Variants in SDHAF3 observed in about 807,000 individuals in gnomAD.
SDHAF3 encodes the protein succinate dehydrogenase assembly factor 3, mitochondrial.
A neutral mutation model predicts 11.5 loss-of-function variants in SDHAF3; 18 were observed. That is an observed-to-expected ratio of 1.56 (90% CI 1.08 to 2.32). The LOEUF is 2.32. SDHAF3 is among the 30% of genes most tolerant of loss of function. The pLI is 0.00. For synonymous variants in SDHAF3, 72 were observed against 59.3 expected (o/e 1.21, Z -0.99); for missense variants, 200 against 154.4 (o/e 1.30, Z -1.57).
intron 1 of SDHAF3, among the ~76,000 whole-genome samples, chr7:97,169,295 A>AGCGAAAC (rs1789566315): frequency 1.4e-5 from 2 of 147,670 alleles, no homozygotes; most frequent in Non-Finnish European, 3.0e-5. Context: ...GGGCAACAAG[A>AGCGAAAC]GCGAAACTGT....
intron 1 of SDHAF3, among the ~76,000 whole-genome samples, chr7:97,118,467 C>T (rs974831084): frequency 2.6e-5 from 4 of 151,752 alleles, no homozygotes; most frequent in African/African-American, 7.3e-5. Context: ...TTGTTTCCTC[C>T]GGTCTCAAGT....
chr7:97,147,863 T>C (rs1789160226), intron 1 of SDHAF3, among the ~76,000 whole-genome samples: 1 of 152,196 alleles, frequency 6.6e-6, no homozygotes, highest in Non-Finnish European at 1.5e-5. Context: ...GTGTTATCAC[T>C]GTAAAAAATA....
intron 1 of SDHAF3, among the ~76,000 whole-genome samples, chr7:97,151,643 C>T (rs1789225186): frequency 1.3e-5 from 2 of 151,882 alleles, no homozygotes; most frequent in Non-Finnish European, 2.9e-5. Context: ...GGACTACAGG[C>T]GCTTGCCACC....
chr7:97,121,095 T>C (rs1215539248), intron 1 of SDHAF3, among the ~76,000 whole-genome samples: 1 of 152,246 alleles, frequency 6.6e-6, no homozygotes, highest in Non-Finnish European at 1.5e-5. Context: ...GAATGTACGA[T>C]AACTGGTTTG....
chr7:97,167,617 C>G (rs1479694302), intron 1 of SDHAF3, among the ~76,000 whole-genome samples: 1 of 152,122 alleles, frequency 6.6e-6, no homozygotes, highest in African/African-American at 2.4e-5. Flanking sequence ...ATCAATCTCT[C>G]CAAGCATTTG....
chr7:97,174,261 T>TAAATCTAAAATTCTTTTG, intron 1 of SDHAF3, among the ~76,000 whole-genome samples: 1 of 152,342 alleles, frequency 6.6e-6, no homozygotes, highest in East Asian at 1.9e-4. Flanking sequence ...ATACACCTGT[T>TAAATCTAAAATTCTTTTG]AAATCTAAAA....
intron 1 of SDHAF3, among the ~76,000 whole-genome samples, chr7:97,121,776 C>A (rs1210142758): frequency 6.6e-6 from 1 of 151,330 alleles, no homozygotes; most frequent in Non-Finnish European, 1.5e-5. Context: ...AAAAAGAGAA[C>A]CTTCTAGAAA....
intron 1 of SDHAF3, among the ~76,000 whole-genome samples, chr7:97,124,279 GT>G: frequency 6.6e-6 from 1 of 152,202 alleles, no homozygotes; most frequent in South Asian, 2.1e-4. Context: ...TTTTTGTCAG[GT>G]TTGTCAAAGA....
At chr7:97,162,028 G>A (rs1789420090) in intron 1 of SDHAF3, among the ~76,000 whole-genome samples, 1 of 152,166 alleles carries the variant, frequency 6.6e-6, no homozygotes, top group Non-Finnish European at 1.5e-5. Flanking sequence ...CACAATGGTT[G>A]AACTAATTTA....
At chr7:97,138,442 C>T (rs1284552522) in intron 1 of SDHAF3, among the ~76,000 whole-genome samples, 2 of 152,212 alleles carry the variant, frequency 1.3e-5, no homozygotes, top group African/African-American at 4.8e-5. Flanking sequence ...GGATTACAGG[C>T]ATGAGCCACC....
chr7:97,157,147 C>A (rs1256232469), intron 1 of SDHAF3, among the ~76,000 whole-genome samples: 1 of 152,108 alleles, frequency 6.6e-6, no homozygotes, highest in African/African-American at 2.4e-5. Context: ...CTCTGTATCC[C>A]TGGGGTACTG....
At chr7:97,170,655 C>A (rs1053348119) in intron 1 of SDHAF3, among the ~76,000 whole-genome samples, 4 of 152,080 alleles carry the variant, frequency 2.6e-5, no homozygotes, top group African/African-American at 9.7e-5. Context: ...TTTCTACGTT[C>A]TTGCTTTTTT....
At chr7:97,128,750 TAAATG>T (rs1343238957) in intron 1 of SDHAF3, among the ~76,000 whole-genome samples, 1 of 152,228 alleles carries the variant, frequency 6.6e-6, no homozygotes, top group Non-Finnish European at 1.5e-5. Context: ...TTTTATTAAA[TAAATG>T]TAGTTTATGG....
intron 1 of SDHAF3, among the ~76,000 whole-genome samples, chr7:97,166,270 A>C (rs1789503166): frequency 6.6e-6 from 1 of 152,182 alleles, no homozygotes; most frequent in Middle Eastern, 3.2e-3. Context: ...GTTGGGCAAC[A>C]GCTTGCTTTA....
intron 1 of SDHAF3, among the ~76,000 whole-genome samples, chr7:97,166,750 G>T (rs1274466840): frequency 6.6e-6 from 1 of 151,874 alleles, no homozygotes; most frequent in East Asian, 1.9e-4. Context: ...AGTTGGCGGG[G>T]GGGGCTTAGA....
chr7:97,128,487 A>C (rs910778077), intron 1 of SDHAF3, among the ~76,000 whole-genome samples: 1 of 152,116 alleles, frequency 6.6e-6, no homozygotes, highest in Non-Finnish European at 1.5e-5. Flanking sequence ...CTTTTATTTA[A>C]ATGATTCAAA....
intron 1 of SDHAF3, among the ~76,000 whole-genome samples, chr7:97,155,816 T>C (rs899297358): frequency 7.9e-5 from 12 of 152,040 alleles, no homozygotes; most frequent in African/African-American, 2.9e-4. Context: ...ATATATATTA[T>C]AAATTCTGAA....
chr7:97,146,336 A>G (rs1022097442), intron 1 of SDHAF3, among the ~76,000 whole-genome samples: 1 of 152,222 alleles, frequency 6.6e-6, no homozygotes, highest in African/African-American at 2.4e-5. Flanking sequence ...CATTTTTGAA[A>G]TGTGTATTTA....
chr7:97,137,868 C>CTTTT (rs11381462), intron 1 of SDHAF3, among the ~76,000 whole-genome samples: 7 of 69,092 alleles, frequency 1.0e-4, no homozygotes, highest in Non-Finnish European at 1.3e-4. Context: ...ATTCCATTCG[C>CTTTT]TTTTTTTTTT....
Sources: allele counts gnomAD v4.1 joint callset (sites outside exome capture counted in the v4.1 genomes callset), GRCh38; gene constraint gnomAD v4.1.1; transcripts MANE v1.5; gene names NCBI Gene and HGNC (gene_info 2026-07-23, HGNC 2026-07-21).